Variants in ARHGAP42 observed in about 807,000 individuals in gnomAD.
ARHGAP42 encodes rho GTPase-activating protein 42.
A neutral mutation model predicts 125.0 loss-of-function variants in ARHGAP42; 63 were observed. The ratio of observed to expected loss-of-function variants is 0.50; its 90% CI spans 0.41 to 0.62. The LOEUF is 0.62. ARHGAP42 is among the 20% of genes least tolerant of loss of function. The probability of loss-of-function intolerance (pLI) is 0.00; values close to 1 mark genes in which losing one functional copy is unlikely to be tolerated. For missense variants in ARHGAP42, 766 were observed against 1,024.2 expected, an observed-to-expected ratio of 0.75 and a Z score of 3.44; for synonymous variants, 339 against 351.0, an observed-to-expected ratio of 0.97 and a Z score of 0.38.
intron 4 of ARHGAP42, among the ~76,000 whole-genome samples, chr11:100,887,189 G>C (rs932806844): frequency 6.6e-6 from 1 of 152,158 alleles, no homozygotes; most frequent in Non-Finnish European, 1.5e-5. Context: ...AAAATACTAA[G>C]CATTAAGTTC....
intron 12 of ARHGAP42, 128 bp downstream of exon 12, chr11:100,950,084 A>C: frequency 2.4e-6 from 1 of 422,140 alleles, no homozygotes; most frequent in Non-Finnish European, 3.9e-6. Context: ...GCAACTTTGA[A>C]ATTTTTATTT....
chr11:100,912,637 TAGA>T (rs1284332441), intron 4 of ARHGAP42, among the ~76,000 whole-genome samples: 1 of 152,190 alleles, frequency 6.6e-6, no homozygotes, highest in Non-Finnish European at 1.5e-5. Flanking sequence ...TTTATAGTAG[TAGA>T]AGATTATATG....
chr11:100,710,383 T>C (rs1861541102), intron 1 of ARHGAP42, among the ~76,000 whole-genome samples: 1 of 149,508 alleles, frequency 6.7e-6, no homozygotes, highest in African/African-American at 2.5e-5. Context: ...CATGCCACCA[T>C]GCCTGGCTAA....
intron 3 of ARHGAP42, among the ~76,000 whole-genome samples, chr11:100,850,824 A>G (rs1370605160): frequency 6.6e-6 from 1 of 150,504 alleles, no homozygotes; most frequent in Non-Finnish European, 1.5e-5. Flanking sequence ...CTACTCTAGC[A>G]CTGGTGACAG....
chr11:100,871,814 G>A (rs1179389408), intron 4 of ARHGAP42, among the ~76,000 whole-genome samples: 1 of 152,108 alleles, frequency 6.6e-6, no homozygotes, highest in Non-Finnish European at 1.5e-5. Context: ...CACGATCTTG[G>A]CTCACCGCAA....
chr11:100,755,881 G>A (rs1306164991), intron 1 of ARHGAP42, among the ~76,000 whole-genome samples: 11 of 152,158 alleles, frequency 7.2e-5, no homozygotes, highest in Admixed American at 7.2e-4. Flanking sequence ...TTGAGGCAGT[G>A]CAGTATATGC....
intron 4 of ARHGAP42, among the ~76,000 whole-genome samples, chr11:100,892,426 TA>T (rs1565262214): frequency 6.6e-6 from 1 of 152,040 alleles, no homozygotes; most frequent in Non-Finnish European, 1.5e-5. Context: ...TTGTATTTAC[TA>T]AAAAATCCAT....
intron 2 of ARHGAP42, among the ~76,000 whole-genome samples, chr11:100,786,579 TTA>T (rs72393209): frequency 0.025 from 3,877 of 152,204 alleles, 98 homozygotes; most frequent in African/African-American, 0.06. Context: ...TCAAACTACC[TTA>T]TAGTTTGGCA....
chr11:100,742,341 C>T (rs746665913), intron 1 of ARHGAP42, among the ~76,000 whole-genome samples: 1 of 118,604 alleles, frequency 8.4e-6, no homozygotes, highest in Non-Finnish European at 1.7e-5. Flanking sequence ...GTCTTAACGT[C>T]TGTCTTATTC....
chr11:100,893,188 T>TGTGTGTGTG (rs3065611), intron 4 of ARHGAP42, among the ~76,000 whole-genome samples: 1 of 151,746 alleles, frequency 6.6e-6, no homozygotes, highest in Non-Finnish European at 1.5e-5. Context: ...TGTGTGTGTG[T>TGTGTGTGTG]TTCTTTTTGA....
intron 4 of ARHGAP42, among the ~76,000 whole-genome samples, chr11:100,893,861 T>C (rs1194148722): frequency 6.6e-6 from 1 of 152,152 alleles, no homozygotes; most frequent in Non-Finnish European, 1.5e-5. Flanking sequence ...TTAGGTTTTC[T>C]CTAGTTTATC....
At chr11:100,784,764 A>G (rs1421316096) in intron 2 of ARHGAP42, among the ~76,000 whole-genome samples, 1 of 152,300 alleles carries the variant, frequency 6.6e-6, no homozygotes, top group Non-Finnish European at 1.5e-5. Context: ...TACAGTAGTG[A>G]AAAAGTGTAT....
At chr11:100,881,984 G>A (rs527617362) in intron 4 of ARHGAP42, among the ~76,000 whole-genome samples, 40 of 152,274 alleles carry the variant, frequency 2.6e-4, no homozygotes, top group African/African-American at 9.4e-4. Context: ...ATCAGCTCCA[G>A]GAGCTTTTTG....
chr11:100,820,854 A>G (rs1565228361), intron 3 of ARHGAP42, among the ~76,000 whole-genome samples: 1 of 152,090 alleles, frequency 6.6e-6, no homozygotes, highest in East Asian at 1.9e-4. Context: ...GGTTCATTTT[A>G]TGATTTCTAG....
chr11:100,930,577 T>C (rs1166268824), intron 6 of ARHGAP42, among the ~76,000 whole-genome samples: 1 of 152,224 alleles, frequency 6.6e-6, no homozygotes, highest in Non-Finnish European at 1.5e-5. Flanking sequence ...ATCTGAATTC[T>C]GCTAGAAGCT....
chr11:100,800,250 A>G (rs1281905779), intron 3 of ARHGAP42, among the ~76,000 whole-genome samples: 1 of 152,200 alleles, frequency 6.6e-6, no homozygotes, highest in Non-Finnish European at 1.5e-5. Flanking sequence ...GGTTAAGTGT[A>G]GCAATAATCG....
At chr11:100,954,924 A>C (rs1857765084) in intron 12 of ARHGAP42, among the ~76,000 whole-genome samples, 1 of 152,194 alleles carries the variant, frequency 6.6e-6, no homozygotes, top group Admixed American at 6.5e-5. Flanking sequence ...GGGACCTTTT[A>C]ATCTGAAACA....
chr11:100,893,054 ATT>A (rs1866259671), intron 4 of ARHGAP42, among the ~76,000 whole-genome samples: 1 of 152,102 alleles, frequency 6.6e-6, no homozygotes, highest in Admixed American at 6.6e-5. Flanking sequence ...CTCATCATGT[ATT>A]CATCAGAATG....
intron 1 of ARHGAP42, among the ~76,000 whole-genome samples, chr11:100,731,940 A>T (rs1861965782): frequency 6.7e-6 from 1 of 148,866 alleles, no homozygotes; most frequent in Non-Finnish European, 1.5e-5. Flanking sequence ...TTCTATATTT[A>T]ACTCTTTTTT....
Sources: gnomAD v4.1 joint callset for allele counts (sites outside exome capture counted in the v4.1 genomes callset) on GRCh38, gnomAD v4.1.1 for gene constraint, MANE v1.5 for transcripts, NCBI Gene and HGNC (gene_info 2026-07-23, HGNC 2026-07-21) for gene names.